Variants in WDFY3 observed in about 807,000 individuals in gnomAD.
WDFY3 encodes the protein WD repeat and FYVE domain-containing protein 3.
A neutral mutation model predicts 409.6 loss-of-function variants in WDFY3; 66 were observed. The ratio of observed to expected loss-of-function variants is 0.16; its 90% CI spans 0.13 to 0.20. The LOEUF is 0.20. Ranked by LOEUF, WDFY3 falls within the 10% of genes least tolerant of loss-of-function variation. The pLI, the probability that WDFY3 is intolerant of heterozygous loss-of-function variation, is 1.00. For missense variants in WDFY3, 3,031 were observed against 4,298.1 expected (o/e 0.71, Z 8.24); for synonymous variants, 1,521 against 1,537.1 (o/e 0.99, Z 0.25).
chr4:84,886,816 AC>A (rs1170668462), intron 3 of WDFY3, among the ~76,000 whole-genome samples: 1 of 152,172 alleles, frequency 6.6e-6, no homozygotes, highest in Non-Finnish European at 1.5e-5. Flanking sequence ...TGCTGGGAAT[AC>A]CAACATTGTT....
At chr4:84,728,514 C>T (rs577658639) in intron 44 of WDFY3, among the ~76,000 whole-genome samples, 12 of 151,986 alleles carry the variant, frequency 7.9e-5, no homozygotes, top group Non-Finnish European at 1.5e-4. Flanking sequence ...GGCAACAGAG[C>T]GATAACTTGT....
At chr4:84,875,289 C>T (rs1234934669) in intron 3 of WDFY3, among the ~76,000 whole-genome samples, 3 of 151,614 alleles carry the variant, frequency 2.0e-5, no homozygotes, top group Non-Finnish European at 4.4e-5. Context: ...CACACACACA[C>T]ACACACACAC....
chr4:84,833,372 T>C (rs1387918548), intron 7 of WDFY3, among the ~76,000 whole-genome samples: 2 of 152,150 alleles, frequency 1.3e-5, no homozygotes, highest in Admixed American at 6.5e-5. Flanking sequence ...ATTTTGGTAT[T>C]TCAGCATCAG....
In WDFY3 at chr4:84,679,110, G is replaced by A. The variant is rs370808932; in HGVS notation, c.9956C>T (p.Thr3319Ile). Residue 3319 changes from threonine to isoleucine, a missense_variant, in exon 65 of 68, where the codon ACA (threonine) becomes ATA (isoleucine). Around this residue, in one of 16 missense-constraint regions of WDFY3, gnomAD observed 378 missense variants for 477.3 expected, o/e 0.79. Transcript: ENST00000295888. ...GCCACTGTCAGTACACCAGGCGGCTGTTGCGCGGCAGGAGGCTGCCCGGGG... is the reference window on the plus strand; with the variant it reads ...GCCACTGTCAGTACACCAGGCGGCTATTGCGCGGCAGGAGGCTGCCCGGGG... ...HRPRAASCRA[T>I]AAWCTDSGSD... 100 of 1,614,116 alleles carry A rather than the reference G, an allele frequency of 6.2e-5. No individual in the cohort carries two copies. The highest frequency in any genetic ancestry group is 7.8e-5 in the Non-Finnish European group (92 of 1,180,054).
chr4:84,742,695 C>A (rs1305486371), intron 37 of WDFY3, among the ~76,000 whole-genome samples: 2 of 152,136 alleles, frequency 1.3e-5, no homozygotes, highest in African/African-American at 4.8e-5. Context: ...ACCGTGCATG[C>A]AAGGGATCCA....
chr4:84,775,689 AG>A (rs1467412870), intron 27 of WDFY3, among the ~76,000 whole-genome samples: 3 of 151,724 alleles, frequency 2.0e-5, no homozygotes, highest in Admixed American at 2.0e-4. Context: ...AGGGAGTGGC[AG>A]GAAAAATCAT....
intron 2 of WDFY3, among the ~76,000 whole-genome samples, chr4:84,925,932 A>G (rs1355041190): frequency 6.6e-6 from 1 of 151,934 alleles, no homozygotes; most frequent in Non-Finnish European, 1.5e-5. Flanking sequence ...TATTCATTAA[A>G]CATTTTTGCA....
In WDFY3 at chr4:84,803,497, T is replaced by C. The variant is rs369175106; in HGVS notation, c.2430-30A>G. ...AAAAAAAGAAAGAGTAAATTTGGTA[T>C]TGAATTCCAATCACATTCTCTTCCT... On this transcript the variant is annotated intron_variant, in intron 15 of 67. Coordinates refer to ENST00000295888, the MANE Select transcript of WDFY3 (RefSeq NM_014991.6). 3.5e-5 allele frequency: 56 copies of C among 1,578,514 alleles called. No individual in the cohort carries two copies. The African/African-American group carries it at 6.6e-4, about 19-fold the overall frequency.
intron 47 of WDFY3, among the ~76,000 whole-genome samples, chr4:84,720,373 T>A (rs1734652493): frequency 6.6e-6 from 1 of 152,122 alleles, no homozygotes; most frequent in Non-Finnish European, 1.5e-5. Flanking sequence ...CAGGATTTAT[T>A]AGGATAAAGG....
intron 3 of WDFY3, among the ~76,000 whole-genome samples, chr4:84,872,657 A>G (rs1368276610): frequency 3.3e-5 from 5 of 152,200 alleles, no homozygotes; most frequent in African/African-American, 1.2e-4. Flanking sequence ...TGAGTGGTCT[A>G]AATACACCAA....
intron 15 of WDFY3, among the ~76,000 whole-genome samples, chr4:84,807,148 C>A: frequency 6.6e-6 from 1 of 152,088 alleles, no homozygotes; most frequent in East Asian, 1.9e-4. Context: ...TTCAAACACA[C>A]ACATTTTTTA....
chr4:84,760,061 T>A (rs1304121960), intron 32 of WDFY3, among the ~76,000 whole-genome samples: 1 of 151,716 alleles, frequency 6.6e-6, no homozygotes, highest in African/African-American at 2.4e-5. Flanking sequence ...ATTGAGATAA[T>A]CATGTGGTTT....
chr4:84,885,293 C>A (rs559786985), intron 3 of WDFY3, among the ~76,000 whole-genome samples: 155 of 151,062 alleles, frequency 1.0e-3, no homozygotes, highest in Non-Finnish European at 1.8e-3. Context: ...GAGTGAGCCA[C>A]CACGCCTGGC....
chr4:84,957,042 C>T (rs541964311), intron 1 of WDFY3, among the ~76,000 whole-genome samples: 49 of 150,198 alleles, frequency 3.3e-4, no homozygotes, highest in Non-Finnish European at 6.6e-4. Context: ...TAATAATTTT[C>T]CTGGAGTTGA....
chr4:84,820,232 T>G (rs568863558), intron 11 of WDFY3, 46 bp from the exon 12 acceptor site: 1 of 1,460,962 alleles, frequency 6.8e-7, no homozygotes, highest in South Asian at 1.3e-5. Flanking sequence ...GATAAGCTTA[T>G]TTTTTCTTGA....
intron 15 of WDFY3, among the ~76,000 whole-genome samples, chr4:84,807,942 C>G (rs928962777): frequency 6.7e-6 from 1 of 149,778 alleles, no homozygotes; most frequent in Non-Finnish European, 1.5e-5. Flanking sequence ...ATGATCCCAA[C>G]GTTTAAAGTA....
At chr4:84,960,974 T>C (rs1440865304) in intron 1 of WDFY3, among the ~76,000 whole-genome samples, 1 of 151,828 alleles carries the variant, frequency 6.6e-6, no homozygotes, top group Non-Finnish European at 1.5e-5. Flanking sequence ...CCAGCACTTT[T>C]GGGAGGCCGA....
At chr4:84,903,611 T>G (rs1766620206) in intron 2 of WDFY3, among the ~76,000 whole-genome samples, 1 of 152,146 alleles carries the variant, frequency 6.6e-6, no homozygotes, top group African/African-American at 2.4e-5. Context: ...TGAGCCACTG[T>G]GCCCAGTCCT....
At chr4:84,768,462 T>C (rs193209411) in intron 30 of WDFY3, among the ~76,000 whole-genome samples, 5 of 152,314 alleles carry the variant, frequency 3.3e-5, no homozygotes, top group Non-Finnish European at 5.9e-5. Context: ...CCAATGCTCA[T>C]TGATCAACTT....
Sources: gnomAD v4.1 joint callset for allele counts (sites outside exome capture counted in the v4.1 genomes callset) on GRCh38, gnomAD v4.1.1 for gene constraint, gnomAD v4.1.1 regional missense constraint, MANE v1.5 for transcripts, NCBI Gene and HGNC (gene_info 2026-07-23, HGNC 2026-07-21) for gene names.